The following SNAPC1 variants were observed in gnomAD, a reference collection of about 807,000 sequenced individuals.
The protein encoded by SNAPC1 is small nuclear RNA activating complex polypeptide 1, also known as snRNA-activating protein complex subunit 1.
Under a neutral mutation model 50.1 loss-of-function variants are expected in SNAPC1, and 42 were observed. That is an observed-to-expected ratio of 0.84 (90% CI 0.65 to 1.08). The LOEUF (loss-of-function observed/expected upper bound fraction) is 1.08. Ranked by LOEUF, SNAPC1 falls within the 50% of genes least tolerant of loss-of-function variation. The pLI is 0.00. For missense variants in SNAPC1, 477 were observed against 427.3 expected, an observed-to-expected ratio of 1.12 and a Z score of -1.02; for synonymous variants, 164 against 144.2, an observed-to-expected ratio of 1.14 and a Z score of -0.98.
intron 7 of SNAPC1, among the ~76,000 whole-genome samples, chr14:61,780,901 C>T (rs1231195163): frequency 6.6e-6 from 1 of 151,604 alleles, no homozygotes; most frequent in Non-Finnish European, 1.5e-5. Context: ...AAAAAAAATG[C>T]ATCTGTACCA....
intron 9 of SNAPC1, among the ~76,000 whole-genome samples, chr14:61,793,805 C>T (rs2045169579): frequency 6.6e-6 from 1 of 151,736 alleles, no homozygotes; most frequent in African/African-American, 2.4e-5. Context: ...TACAGGCACT[C>T]ACCATCATGC....
Position 61,774,168 on chromosome 14 carries a change from T to C in SNAPC1, c.535-1927T>C, listed in dbSNP as rs1487322394. 3.0e-4 allele frequency among the ~76,000 whole-genome samples: 42 copies of C among 140,808 alleles called. 2 individuals are homozygous for C. Among genetic ancestry groups the C allele is most frequent in the East Asian group, 1.6e-3 (8 of 5,120 alleles). The allele number at this position is 140,808 out of a possible 152,430, so 92.4% of individuals were successfully genotyped here. The stretch of plus-strand genomic sequence containing the variant: ...TTTCTTATTTAATTTTCTTCTTCTT[T>C]TTTTTTTTTTTTTTTAAAGGTGGGG... On this transcript the variant is annotated intron_variant, in intron 4 of 9. Transcript: ENST00000216294.
intron 1 of SNAPC1, among the ~76,000 whole-genome samples, chr14:61,765,237 ATAGTT>A (rs1305998985): frequency 6.6e-6 from 1 of 152,114 alleles, no homozygotes; most frequent in Non-Finnish European, 1.5e-5. Flanking sequence ...ACAGTTTCAG[ATAGTT>A]TATTCATTAT....
At chr14:61,780,888 G>A (rs57685393) in intron 7 of SNAPC1, among the ~76,000 whole-genome samples, 18,995 of 149,540 alleles carry the variant, frequency 0.13, 1,385 homozygotes, top group Non-Finnish European at 0.16. Flanking sequence ...GAAAATATTT[G>A]AAAAAAAAAA....
chr14:61,783,891 T>C (rs1052028466), intron 8 of SNAPC1, among the ~76,000 whole-genome samples: 11 of 152,140 alleles, frequency 7.2e-5, no homozygotes, highest in African/African-American at 2.7e-4. Context: ...CCTACATAAA[T>C]TTGGAATTTG....
At chr14:61,772,062 G>GA (rs1225738452) in intron 4 of SNAPC1, among the ~76,000 whole-genome samples, 2 of 151,926 alleles carry the variant, frequency 1.3e-5, no homozygotes, top group Non-Finnish European at 2.9e-5. Flanking sequence ...ATATTCTAAT[G>GA]AAAAAAGATG....
At chr14:61,763,494 TTTTTTTTTTTTTC>T (rs527767646) in intron 1 of SNAPC1, among the ~76,000 whole-genome samples, 19,897 of 146,424 alleles carry the variant, frequency 0.14, 1,621 homozygotes, top group African/African-American at 0.23. Context: ...TGCTTTTTTT[TTTTTTTTTTTTTC>T]TTTGGGCCCT....
chr14:61,785,002 C>G (rs1392817336), intron 8 of SNAPC1, among the ~76,000 whole-genome samples: 1 of 152,074 alleles, frequency 6.6e-6, no homozygotes, highest in African/African-American at 2.4e-5. Context: ...GTAAGGGTGA[C>G]CACTGTAAAC....
At chr14:61,781,225 G>A (rs181007335) in intron 7 of SNAPC1, among the ~76,000 whole-genome samples, 171 of 152,104 alleles carry the variant, frequency 1.1e-3, no homozygotes, top group Non-Finnish European at 2.0e-3. Flanking sequence ...CGAGGTGGGC[G>A]GATCATGAGG....
At chr14:61,762,720 C>G (rs2044915954) in intron 1 of SNAPC1, 132 bp downstream of exon 1, 2 of 961,706 alleles carry the variant, frequency 2.1e-6, no homozygotes, top group Admixed American at 2.2e-5. Context: ...CTCCATGACT[C>G]CTGGACCTTC....
At position 61,767,225 on chromosome 14, in the gene SNAPC1, T is replaced by C; in HGVS notation, c.302T>C (p.Leu101Pro). 1 of 1,493,904 alleles carries C rather than the reference T, an allele frequency of 6.7e-7. No individual in the cohort carries two copies. Among genetic ancestry groups the C allele is most frequent in the Non-Finnish European group, 8.9e-7 (1 of 1,120,500 alleles). The allele number at this position is 1,493,904 out of a possible 1,614,324, so 92.5% of individuals were successfully genotyped here. Reference sequence around the variant, plus strand: ...TCCTGGTTGCAGATCAGAGTTGCCCTGAAGGATTGGGATGAAGTTTTAAAA... The same window carrying C: ...TCCTGGTTGCAGATCAGAGTTGCCCCGAAGGATTGGGATGAAGTTTTAAAA... ...CQPKQKIRVA[L>P]KDWDEVLKFQ... The change falls in exon 3 of 10, where the codon CTG becomes CCG. Residue 101 changes from leucine (L) to proline (P), a missense_variant. Physicochemically the swap from Leu to Pro is moderately conservative, Grantham distance 98. Coordinates refer to ENST00000216294, the MANE Select transcript of SNAPC1 (RefSeq NM_003082.4).
At chr14:61,790,266 A>AT (rs2045142625) in intron 8 of SNAPC1, among the ~76,000 whole-genome samples, 1 of 152,256 alleles carries the variant, frequency 6.6e-6, no homozygotes, top group Non-Finnish European at 1.5e-5. Context: ...TTCCTCGAAT[A>AT]TAACATGCAT....
At chr14:61,794,825 A>G (rs1033069311) in intron 9 of SNAPC1, 124 bp from the exon 10 acceptor site, 15 of 719,516 alleles carry the variant, frequency 2.1e-5, no homozygotes, top group Non-Finnish European at 3.5e-5. Flanking sequence ...TGTACCAGTT[A>G]GACGTCTATG....
At chr14:61,790,885 G>A (rs10140578) in intron 8 of SNAPC1, among the ~76,000 whole-genome samples, 53,606 of 152,062 alleles carry the variant, frequency 0.35, 10,000 homozygotes, top group African/African-American at 0.46. Flanking sequence ...ATAATCAGTA[G>A]TGGTCTATTA....
At chr14:61,775,155 C>T (rs1376635003) in intron 4 of SNAPC1, among the ~76,000 whole-genome samples, 2 of 152,110 alleles carry the variant, frequency 1.3e-5, no homozygotes, top group Non-Finnish European at 2.9e-5. Flanking sequence ...TGTCTTTTTC[C>T]TTACCCCACA....
chr14:61,762,981 C>CTTTTTTT (rs145378546), intron 1 of SNAPC1, among the ~76,000 whole-genome samples: 2,149 of 72,998 alleles, frequency 0.029, 404 homozygotes, highest in Non-Finnish European at 0.039. Context: ...CCAAAGTTGT[C>CTTTTTTT]TTTTTTTTTT....
At chr14:61,781,451 A>AG (rs1491152080) in intron 7 of SNAPC1, among the ~76,000 whole-genome samples, 4 of 89,798 alleles carry the variant, frequency 4.5e-5, no homozygotes, top group Non-Finnish European at 8.1e-5. Flanking sequence ...CTCCATCTCC[A>AG]AAAAAAAAAA....
intron 8 of SNAPC1, among the ~76,000 whole-genome samples, chr14:61,792,190 T>A (rs2045157109): frequency 6.6e-6 from 1 of 151,930 alleles, no homozygotes; most frequent in Non-Finnish European, 1.5e-5. Flanking sequence ...ATAGTCACTG[T>A]TTATGGGGGT....
chr14:61,784,399 T>C (rs1566592228), intron 8 of SNAPC1, among the ~76,000 whole-genome samples: 2 of 152,118 alleles, frequency 1.3e-5, no homozygotes, highest in Non-Finnish European at 2.9e-5. Context: ...AAGGGGAAAA[T>C]GTGAATTTAT....
Sources: gnomAD v4.1 joint callset for allele counts (sites outside exome capture counted in the v4.1 genomes callset) on GRCh38, gnomAD v4.1.1 for gene constraint, MANE v1.5 for transcripts, NCBI Gene and HGNC (gene_info 2026-07-23, HGNC 2026-07-21) for gene names.